The following MPZL1 variants were observed in gnomAD, a reference collection of about 807,000 sequenced individuals.
MPZL1 encodes the protein myelin protein zero like 1.
MPZL1 carries 16 observed loss-of-function variants against 29.3 expected under a neutral mutation model. The ratio of observed to expected loss-of-function variants is 0.55; its 90% CI spans 0.37 to 0.83. MPZL1 has a LOEUF of 0.83. Ranked by LOEUF, MPZL1 falls within the 40% of genes least tolerant of loss-of-function variation. The probability of loss-of-function intolerance (pLI) is 0.00; values close to 1 mark genes in which losing one functional copy is unlikely to be tolerated. For synonymous variants in MPZL1, 143 were observed against 132.0 expected (o/e 1.08, Z -0.57); for missense variants, 279 against 332.9 (o/e 0.84, Z 1.26).
At chr1:167,739,288 T>TATATATATACAC (rs1660459353) in intron 1 of MPZL1, among the ~76,000 whole-genome samples, 1 of 108,334 alleles carries the variant, frequency 9.2e-6, no homozygotes, top group African/African-American at 6.0e-5. Flanking sequence ...TATACATATA[T>TATATATATACAC]ATATATATAT....
At chr1:167,763,435 GA>G in intron 1 of MPZL1, among the ~76,000 whole-genome samples, 2 of 150,920 alleles carry the variant, frequency 1.3e-5, no homozygotes, top group South Asian at 2.1e-4. Flanking sequence ...AGAATTGCTT[GA>G]ACCCAGGAGG....
intron 1 of MPZL1, among the ~76,000 whole-genome samples, chr1:167,749,800 A>G (rs777214796): frequency 3.9e-5 from 6 of 152,252 alleles, no homozygotes; most frequent in Non-Finnish European, 5.9e-5. Flanking sequence ...TTTCAAGCCT[A>G]TAGTAGAACA....
intron 1 of MPZL1, among the ~76,000 whole-genome samples, chr1:167,736,250 T>C (rs897564055): frequency 6.6e-6 from 1 of 152,212 alleles, no homozygotes; most frequent in Non-Finnish European, 1.5e-5. Flanking sequence ...CTAGTCTCAC[T>C]GCATGCTTGT....
At chr1:167,771,036 G>A (rs536311803) in intron 2 of MPZL1, among the ~76,000 whole-genome samples, 1 of 149,876 alleles carries the variant, frequency 6.7e-6, no homozygotes, top group African/African-American at 2.5e-5. Flanking sequence ...TCATTCTTGG[G>A]TGTTTCTCGG....
intron 2 of MPZL1, among the ~76,000 whole-genome samples, chr1:167,768,400 T>TTA (rs1306104947): frequency 6.6e-6 from 1 of 152,070 alleles, no homozygotes; most frequent in African/African-American, 2.4e-5. Flanking sequence ...TTTTTTTTTT[T>TTA]TAACCTTTTA....
intron 5 of MPZL1, among the ~76,000 whole-genome samples, chr1:167,779,539 C>T (rs1235190636): frequency 2.0e-5 from 3 of 151,700 alleles, no homozygotes; most frequent in African/African-American, 4.8e-5. Context: ...GAGCCAAGAT[C>T]GCGCCACTGC....
chr1:167,771,725 G>A (rs1661253616), intron 2 of MPZL1, among the ~76,000 whole-genome samples: 2 of 152,182 alleles, frequency 1.3e-5, no homozygotes, highest in Admixed American at 6.5e-5. Flanking sequence ...AGATGGGGTG[G>A]CAGCTGGGCA....
chr1:167,787,693 G>A (rs1201711871), intron 5 of MPZL1, 127 bp from the exon 6 acceptor site: 1 of 640,744 alleles, frequency 1.6e-6, no homozygotes, highest in Non-Finnish European at 2.8e-6. Flanking sequence ...TCTTCCTGAA[G>A]ACATTCAAGA....
intron 5 of MPZL1, 46 bp downstream of exon 5, chr1:167,776,212 T>C: frequency 7.1e-7 from 1 of 1,412,082 alleles, no homozygotes; most frequent in African/African-American, 1.4e-5. Context: ...TCCCTACAGC[T>C]TGGTGCTCTG....
chr1:167,753,377 A>G (rs1158583833), intron 1 of MPZL1, among the ~76,000 whole-genome samples: 1 of 152,244 alleles, frequency 6.6e-6, no homozygotes, highest in African/African-American at 2.4e-5. Flanking sequence ...TTATGAAGCA[A>G]TGGAGGAGCT....
At position 167,723,798 on chromosome 1, in the gene MPZL1, G is replaced by T. The variant is rs148449325; in HGVS notation, c.91+1556G>T. Among the ~76,000 whole-genome samples the T allele has an allele frequency of 4.1e-3, 620 of 152,308 alleles. 3 individuals carry two copies. Among genetic ancestry groups the T allele is most frequent in the African/African-American group, 0.014 (572 of 41,546 alleles). On this transcript the variant is annotated intron_variant, in intron 1 of 5. Transcript: ENST00000359523. The stretch of plus-strand genomic sequence containing the variant: ...TAAAAATCAGCAGCTGATGTTATTG[G>T]TTCAACTTAGAAAATTATTGAATCT...
chr1:167,758,097 T>C (rs1286464305), intron 1 of MPZL1, among the ~76,000 whole-genome samples: 1 of 150,628 alleles, frequency 6.6e-6, no homozygotes, highest in Non-Finnish European at 1.5e-5. Flanking sequence ...GAGGTTGCAG[T>C]GAGTTGAGAT....
At chr1:167,739,178 G>A (rs1379025549) in intron 1 of MPZL1, among the ~76,000 whole-genome samples, 1 of 151,044 alleles carries the variant, frequency 6.6e-6, no homozygotes, top group Non-Finnish European at 1.5e-5. Flanking sequence ...CCTGACCTCA[G>A]GTTATCTGCC....
At chr1:167,744,925 T>G (rs1558113156) in intron 1 of MPZL1, among the ~76,000 whole-genome samples, 1 of 152,108 alleles carries the variant, frequency 6.6e-6, no homozygotes, top group African/African-American at 2.4e-5. Flanking sequence ...CCACTACTTC[T>G]CCCCCCACTG....
chr1:167,736,753 C>A (rs35672704), intron 1 of MPZL1, among the ~76,000 whole-genome samples: 8,199 of 152,212 alleles, frequency 0.054, 281 homozygotes, highest in Middle Eastern at 0.088. Flanking sequence ...CTTGAGACTC[C>A]TAGATCGTCT....
intron 1 of MPZL1, among the ~76,000 whole-genome samples, chr1:167,745,173 C>T (rs1402646339): frequency 1.3e-5 from 2 of 152,114 alleles, no homozygotes; most frequent in East Asian, 3.8e-4. Context: ...TTGGTTTGAA[C>T]TTCCCACCTG....
chr1:167,738,176 G>A (rs978746586), intron 1 of MPZL1, among the ~76,000 whole-genome samples: 11 of 152,004 alleles, frequency 7.2e-5, no homozygotes, highest in Admixed American at 3.3e-4. Flanking sequence ...CGCCCGCCTC[G>A]GCCTCCCAAA....
chr1:167,750,530 TA>T (rs1660734582), intron 1 of MPZL1, among the ~76,000 whole-genome samples: 2 of 152,216 alleles, frequency 1.3e-5, no homozygotes, highest in African/African-American at 4.8e-5. Flanking sequence ...GTTAACATTT[TA>T]TTACATTTGC....
intron 1 of MPZL1, among the ~76,000 whole-genome samples, chr1:167,757,526 A>G (rs1037240917): frequency 6.6e-6 from 1 of 152,206 alleles, no homozygotes; most frequent in Non-Finnish European, 1.5e-5. Context: ...AACATTACCA[A>G]TAGTGTGTAC....
Sources: allele counts gnomAD v4.1 joint callset (sites outside exome capture counted in the v4.1 genomes callset), GRCh38; gene constraint gnomAD v4.1.1; transcripts MANE v1.5; gene names NCBI Gene and HGNC (gene_info 2026-07-23, HGNC 2026-07-21).